The following IMPA2 variants were observed in gnomAD, a reference collection of about 807,000 sequenced individuals.
IMPA2 encodes inositol monophosphatase 2.
In IMPA2, 32 loss-of-function variants were observed where a neutral mutation model predicts 35.1. That is an observed-to-expected ratio of 0.91 (90% confidence interval 0.69 to 1.23). The LOEUF is 1.23. Ranked by LOEUF, IMPA2 falls within the 50% of genes most tolerant of loss-of-function variation. The probability of loss-of-function intolerance (pLI) is 0.00; values close to 1 mark genes in which losing one functional copy is unlikely to be tolerated. For synonymous variants in IMPA2, 135 were observed against 160.6 expected, an observed-to-expected ratio of 0.84 and a Z score of 1.20; for missense variants, 334 against 387.6, an observed-to-expected ratio of 0.86 and a Z score of 1.16.
chr18:12,001,916 C>T (rs1907126209), intron 2 of IMPA2, among the ~76,000 whole-genome samples: 1 of 152,206 alleles, frequency 6.6e-6, no homozygotes, highest in Admixed American at 6.5e-5. Flanking sequence ...CCACGGACAG[C>T]CCCAGTCTGT....
At chr18:11,990,306 C>T (rs1409782563) in intron 1 of IMPA2, among the ~76,000 whole-genome samples, 1 of 152,074 alleles carries the variant, frequency 6.6e-6, no homozygotes. Context: ...ATCCCAGCAC[C>T]TGGGATGTGG....
intron 1 of IMPA2, among the ~76,000 whole-genome samples, chr18:11,992,495 G>A (rs79985951): frequency 2.0e-4 from 30 of 152,296 alleles, no homozygotes; most frequent in African/African-American, 4.3e-4. Flanking sequence ...ATAGTTGGAC[G>A]TCTCCATGAA....
At chr18:11,996,378 G>T (rs1232082625) in intron 1 of IMPA2, among the ~76,000 whole-genome samples, 1 of 152,178 alleles carries the variant, frequency 6.6e-6, no homozygotes, top group African/African-American at 2.4e-5. Flanking sequence ...GATGTAATTG[G>T]TGTCTGAAAA....
chr18:11,985,427 T>C (rs1906638467), intron 1 of IMPA2, among the ~76,000 whole-genome samples: 1 of 152,192 alleles, frequency 6.6e-6, no homozygotes, highest in Admixed American at 6.5e-5. Context: ...AATTCAGCAT[T>C]TCCTGTTGCT....
chr18:11,998,562 T>C (rs1907023032), intron 1 of IMPA2, among the ~76,000 whole-genome samples: 1 of 152,264 alleles, frequency 6.6e-6, no homozygotes, highest in South Asian at 2.1e-4. Flanking sequence ...TTTCATGGGA[T>C]AAAGTGAATT....
chr18:11,997,046 T>TC (rs1164542201), intron 1 of IMPA2, among the ~76,000 whole-genome samples: 1 of 150,404 alleles, frequency 6.6e-6, no homozygotes, highest in East Asian at 1.9e-4. Context: ...ACACCCTGAC[T>TC]CCCCCCATAC....
At chr18:11,989,552 G>A (rs781683124) in intron 1 of IMPA2, among the ~76,000 whole-genome samples, 8 of 152,210 alleles carry the variant, frequency 5.3e-5, no homozygotes, top group Admixed American at 6.5e-5. Context: ...CCAAGGGTCC[G>A]AGGCCCACTG....
intron 2 of IMPA2, among the ~76,000 whole-genome samples, chr18:12,000,589 T>G (rs2143792030): frequency 6.6e-6 from 1 of 150,590 alleles, no homozygotes; most frequent in East Asian, 2.0e-4. Flanking sequence ...TTGGTTACAG[T>G]AGTTATAGGG....
intron 2 of IMPA2, among the ~76,000 whole-genome samples, chr18:12,007,582 CTTTT>C (rs759802865): frequency 8.9e-6 from 1 of 112,336 alleles, no homozygotes; most frequent in Non-Finnish European, 1.8e-5. Flanking sequence ...TCTTTTCTTT[CTTTT>C]CTTTTCTTTC....
intron 5 of IMPA2, among the ~76,000 whole-genome samples, chr18:12,016,598 T>C (rs893825407): frequency 6.6e-6 from 1 of 152,072 alleles, no homozygotes; most frequent in African/African-American, 2.4e-5. Context: ...TTTGTATTTT[T>C]AGTAGAGACG....
At chr18:12,026,645 T>C (rs2143826863) in intron 5 of IMPA2, among the ~76,000 whole-genome samples, 1 of 152,192 alleles carries the variant, frequency 6.6e-6, no homozygotes, top group South Asian at 2.1e-4. Flanking sequence ...CCGGAAAAAA[T>C]ACCATCTGTT....
At chr18:11,987,889 T>C (rs1468295442) in intron 1 of IMPA2, among the ~76,000 whole-genome samples, 58 of 152,180 alleles carry the variant, frequency 3.8e-4, no homozygotes, top group Admixed American at 3.7e-3. Context: ...ACATGTGGTA[T>C]GGTCTGTCTT....
chr18:11,988,701 G>C (rs1253051807), intron 1 of IMPA2, among the ~76,000 whole-genome samples: 1 of 152,196 alleles, frequency 6.6e-6, no homozygotes, highest in Non-Finnish European at 1.5e-5. Flanking sequence ...TGACTTCAGG[G>C]GTTTAGGCCT....
intron 1 of IMPA2, among the ~76,000 whole-genome samples, chr18:11,984,934 C>G (rs1353715913): frequency 1.4e-5 from 2 of 146,692 alleles, no homozygotes; most frequent in Non-Finnish European, 3.0e-5. Context: ...TGCCACTGCA[C>G]TCCAGCCTGA....
intron 1 of IMPA2, chr18:11,994,023 T>C (rs968105052): frequency 6.6e-6 from 1 of 152,220 alleles, no homozygotes; most frequent in Non-Finnish European, 1.5e-5. Flanking sequence ...ACAAAGAAAG[T>C]CATCAGAGAA....
chr18:12,023,384 C>T (rs1208799634), intron 5 of IMPA2, among the ~76,000 whole-genome samples: 1 of 152,196 alleles, frequency 6.6e-6, no homozygotes, highest in Non-Finnish European at 1.5e-5. Context: ...AGTGCTCGCA[C>T]AGGCCTGTCA....
At chr18:12,011,524 C>G (rs145595940) in intron 3 of IMPA2, among the ~76,000 whole-genome samples, 1 of 152,228 alleles carries the variant, frequency 6.6e-6, no homozygotes, top group Non-Finnish European at 1.5e-5. Context: ...ATTGGTTTTG[C>G]ATTTTTCCTG....
chr18:12,026,137 C>T (rs571407248), intron 5 of IMPA2, among the ~76,000 whole-genome samples: 12 of 150,400 alleles, frequency 8.0e-5, no homozygotes, highest in Non-Finnish European at 1.3e-4. Context: ...CGGGTTCAAG[C>T]GATTCTCCTG....
At chr18:11,984,733 C>G (rs958247096) in intron 1 of IMPA2, among the ~76,000 whole-genome samples, 7 of 151,240 alleles carry the variant, frequency 4.6e-5, no homozygotes, top group Non-Finnish European at 1.0e-4. Context: ...TTTGGGAGGC[C>G]GAGGTGGGCA....
Sources: gnomAD v4.1 joint callset for allele counts (sites outside exome capture counted in the v4.1 genomes callset) on GRCh38, gnomAD v4.1.1 for gene constraint, MANE v1.5 for transcripts, NCBI Gene and HGNC (gene_info 2026-07-23, HGNC 2026-07-21) for gene names.